NEK7: variants seen among roughly 807,000 people sequenced by gnomAD.
The protein encoded by NEK7 is serine/threonine-protein kinase Nek7.
In NEK7, 18 loss-of-function variants were observed where a neutral mutation model predicts 44.6. The ratio of observed to expected loss-of-function variants is 0.40; its 90% confidence interval spans 0.28 to 0.60. The LOEUF (loss-of-function observed/expected upper bound fraction) is 0.60, where lower values mean the gene tolerates loss of function less well. Among genes scored for constraint, NEK7 ranks in the 20% least tolerant of loss-of-function variants. The probability of loss-of-function intolerance (pLI) is 0.38; values close to 1 mark genes in which losing one functional copy is unlikely to be tolerated. For synonymous variants in NEK7, 130 were observed against 121.1 expected (o/e 1.07, Z -0.48); for missense variants, 256 against 366.5 (o/e 0.70, Z 2.46).
At chr1:198,175,351 A>C (rs1200772918) in intron 1 of NEK7, among the ~76,000 whole-genome samples, 1 of 152,134 alleles carries the variant, frequency 6.6e-6, no homozygotes, top group Admixed American at 6.5e-5. Flanking sequence ...CTTGTTACAG[A>C]CCAAAGGCTT....
At chr1:198,240,515 G>T (rs1189578704) in intron 2 of NEK7, among the ~76,000 whole-genome samples, 1 of 140,770 alleles carries the variant, frequency 7.1e-6, no homozygotes. Flanking sequence ...AAAAAAAAAA[G>T]AAATATGCTT....
chr1:198,216,454 A>G (rs1011691437), intron 1 of NEK7, among the ~76,000 whole-genome samples: 2 of 152,110 alleles, frequency 1.3e-5, no homozygotes, highest in African/African-American at 2.4e-5. Context: ...GAAAGTTTAT[A>G]GCGCTAAATA....
At chr1:198,157,489 G>A (rs73073185) in intron 1 of NEK7, among the ~76,000 whole-genome samples, 22,627 of 152,168 alleles carry the variant, frequency 0.15, 1,861 homozygotes, top group East Asian at 0.22. Context: ...GGGGCGGCAG[G>A]AAACTTCATA....
intron 1 of NEK7, among the ~76,000 whole-genome samples, chr1:198,228,824 T>C (rs1666303500): frequency 6.6e-6 from 1 of 152,186 alleles, no homozygotes; most frequent in Non-Finnish European, 1.5e-5. Context: ...CAGGGACAAT[T>C]TGACTTCCTC....
chr1:198,264,300 A>C (rs1335164865), intron 5 of NEK7, 65 bp downstream of exon 5: 2 of 1,130,958 alleles, frequency 1.8e-6, no homozygotes, highest in African/African-American at 3.2e-5. Flanking sequence ...ATTGTCTGTT[A>C]AACACATAGG....
chr1:198,288,537 A>G (rs1654450414), intron 7 of NEK7, among the ~76,000 whole-genome samples: 1 of 152,214 alleles, frequency 6.6e-6, no homozygotes, highest in Admixed American at 6.5e-5. Context: ...CTTAAATGCA[A>G]GAGACAAGAA....
chr1:198,203,428 A>G (rs1665496862), intron 1 of NEK7, among the ~76,000 whole-genome samples: 1 of 152,238 alleles, frequency 6.6e-6, no homozygotes, highest in Non-Finnish European at 1.5e-5. Flanking sequence ...ACAGGAATAG[A>G]CTTTATCTTC....
intron 9 of NEK7, among the ~76,000 whole-genome samples, chr1:198,298,194 G>GA (rs1263521579): frequency 6.6e-6 from 1 of 152,132 alleles, no homozygotes; most frequent in African/African-American, 2.4e-5. Context: ...ATGGAAAGGA[G>GA]AAAAGGAAAA....
intron 1 of NEK7, among the ~76,000 whole-genome samples, chr1:198,188,376 G>C (rs1399095979): frequency 6.6e-6 from 1 of 152,148 alleles, no homozygotes; most frequent in Non-Finnish European, 1.5e-5. Context: ...CAGCATAGTA[G>C]TACCAGTTTT....
At chr1:198,204,925 C>T (rs1407903416) in intron 1 of NEK7, among the ~76,000 whole-genome samples, 1 of 151,976 alleles carries the variant, frequency 6.6e-6, no homozygotes, top group African/African-American at 2.4e-5. Flanking sequence ...TGTTTGTGCT[C>T]CCTCCCAATT....
At chr1:198,227,026 A>G (rs4915271) in intron 1 of NEK7, among the ~76,000 whole-genome samples, 20,925 of 150,208 alleles carry the variant, frequency 0.14, 2,111 homozygotes, top group East Asian at 0.58. Flanking sequence ...CCGCTCCCCC[A>G]CCCCACAACA....
intron 5 of NEK7, among the ~76,000 whole-genome samples, chr1:198,269,543 A>C (rs1653770843): frequency 6.6e-6 from 1 of 152,118 alleles, no homozygotes; most frequent in Admixed American, 6.6e-5. Context: ...GAATGCTTGA[A>C]TTGTAATGAA....
chr1:198,246,726 G>A (rs902787782), intron 2 of NEK7, among the ~76,000 whole-genome samples: 2 of 152,218 alleles, frequency 1.3e-5, no homozygotes, highest in African/African-American at 4.8e-5. Flanking sequence ...AGCAGTTCAC[G>A]CTAATATTTG....
At chr1:198,194,709 G>A (rs1246631768) in intron 1 of NEK7, among the ~76,000 whole-genome samples, 1 of 152,060 alleles carries the variant, frequency 6.6e-6, no homozygotes, top group Admixed American at 6.6e-5. Flanking sequence ...TCTTTATCCA[G>A]TCTACCAATA....
intron 2 of NEK7, among the ~76,000 whole-genome samples, chr1:198,240,264 C>T (rs968664898): frequency 2.0e-5 from 3 of 152,126 alleles, no homozygotes; most frequent in Admixed American, 1.3e-4. Context: ...CACTTACATA[C>T]TTACGAGTGA....
intron 1 of NEK7, among the ~76,000 whole-genome samples, chr1:198,164,873 A>G (rs983260992): frequency 1.3e-5 from 2 of 152,192 alleles, no homozygotes; most frequent in African/African-American, 4.8e-5. Flanking sequence ...ATTTTACCCA[A>G]AGTAGAAAAT....
intron 3 of NEK7, among the ~76,000 whole-genome samples, chr1:198,256,885 ATC>A (rs1653285095): frequency 6.6e-6 from 1 of 152,116 alleles, no homozygotes; most frequent in African/African-American, 2.4e-5. Flanking sequence ...GGTATATGCA[ATC>A]TCTATTTTAT....
intron 1 of NEK7, among the ~76,000 whole-genome samples, chr1:198,175,500 A>G (rs2102730689): frequency 6.6e-6 from 1 of 152,338 alleles, no homozygotes; most frequent in Admixed American, 6.5e-5. Flanking sequence ...GGAATTCAGT[A>G]GAATGTTTTT....
chr1:198,158,286 A>T (rs890803080), intron 1 of NEK7, among the ~76,000 whole-genome samples: 1 of 152,238 alleles, frequency 6.6e-6, no homozygotes, highest in African/African-American at 2.4e-5. Flanking sequence ...ACACAGAAAT[A>T]AAATGATTAT....
Sources: gnomAD v4.1 joint callset for allele counts (sites outside exome capture counted in the v4.1 genomes callset) on GRCh38, gnomAD v4.1.1 for gene constraint, MANE v1.5 for transcripts, NCBI Gene and HGNC (gene_info 2026-07-23, HGNC 2026-07-21) for gene names.